CPLANE1: variants seen among roughly 807,000 people sequenced by gnomAD.
CPLANE1 encodes ciliogenesis and planar polarity effector complex subunit 1.
CPLANE1 carries 263 observed loss-of-function variants against 362.5 expected under a neutral mutation model. The ratio of observed to expected loss-of-function variants is 0.73; its 90% CI spans 0.66 to 0.80. The LOEUF (loss-of-function observed/expected upper bound fraction) is 0.80, where lower values mean the gene tolerates loss of function less well. Ranked by LOEUF, CPLANE1 falls within the 30% of genes least tolerant of loss-of-function variation. The pLI, the probability that CPLANE1 is intolerant of heterozygous loss-of-function variation, is 0.00. For synonymous variants in CPLANE1, 1,212 were observed against 1,302.6 expected, an observed-to-expected ratio of 0.93 and a Z score of 1.50; for missense variants, 3,461 against 3,793.4, an observed-to-expected ratio of 0.91 and a Z score of 2.30.
chr5:37,102,250 C>T (rs10058720), downstream of CPLANE1, among the ~76,000 whole-genome samples: 2,457 of 151,974 alleles, frequency 0.016, 72 homozygotes, highest in African/African-American at 0.056. Flanking sequence ...TGTAGTGGTG[C>T]GATCTTGGTT....
chr5:37,102,510 G>A (rs1319340994), downstream of CPLANE1, among the ~76,000 whole-genome samples: 1 of 152,066 alleles, frequency 6.6e-6, no homozygotes, highest in African/African-American at 2.4e-5. Context: ...GTGATGTTAA[G>A]TTGTTGATTT....
chr5:37,209,504 G>A lies in CPLANE1; in HGVS notation c.2921-3079C>T. 4 of 1,276,310 alleles carry A rather than the reference G, an allele frequency of 3.1e-6. No homozygotes were observed. The South Asian group carries it at 4.8e-5, about 15-fold the overall frequency. 79.1% of individuals were successfully genotyped at this position (1,276,310 alleles called of 1,614,324 possible). ...AACTTCGAAACCAGCTAATTCATGA[G>A]TTAATGCACCCTGTATTGAGTGGAG... On this transcript the variant is annotated intron_variant, in intron 16 of 52. Transcript: ENST00000651892. This position sits in a 1 kb window ranked among gnomAD's most constrained non-coding sequence, Gnocchi z 4.6.
chr5:37,190,311 C>T (rs774284953), intron 21 of CPLANE1, among the ~76,000 whole-genome samples: 5 of 151,778 alleles, frequency 3.3e-5, no homozygotes, highest in African/African-American at 4.8e-5. Flanking sequence ...TAGCTCCTGC[C>T]TGTAATCCCA....
chr5:37,168,067 C>T (rs895223588), intron 34 of CPLANE1, among the ~76,000 whole-genome samples: 5 of 152,200 alleles, frequency 3.3e-5, no homozygotes, highest in African/African-American at 1.2e-4. Flanking sequence ...AAGTACACCA[C>T]AGAATGCATT....
In CPLANE1 at chr5:37,162,472, T is replaced by A; in HGVS notation, c.7683A>T (p.Thr2561=). 2 of 1,597,658 alleles carry A rather than the reference T, an allele frequency of 1.3e-6. No individual in the cohort carries two copies. Among genetic ancestry groups the A allele is most frequent in the Non-Finnish European group, 1.7e-6 (2 of 1,166,804 alleles). Residue 2561 remains threonine, a synonymous_variant, in exon 38 of 53, where the codon ACA becomes ACT. Coordinates refer to ENST00000651892, the MANE Select transcript of CPLANE1 (RefSeq NM_001384732.1). ...AAGTAAAACAGCATTTACCTGGGTC[T>A]GTATTTGTACTTGCATCTTGACTTC... The part of the protein sequence containing the change: ...AIGSQDASTN[T]DPEHEPLTAP...
intron 15 of CPLANE1, among the ~76,000 whole-genome samples, chr5:37,217,593 C>A (rs144796690): frequency 1.3e-5 from 2 of 149,442 alleles, no homozygotes; most frequent in African/African-American, 5.0e-5. Context: ...GGCGACAGAG[C>A]GAGACACCAT....
intron 24 of CPLANE1, among the ~76,000 whole-genome samples, chr5:37,185,977 T>C (rs1783864207): frequency 6.6e-6 from 1 of 152,186 alleles, no homozygotes; most frequent in Non-Finnish European, 1.5e-5. Context: ...TGAATACACA[T>C]CATAAAGCAG....
At chr5:37,108,161 A>G in intron 52 of CPLANE1, 132 bp downstream of exon 52, 1 of 840,620 alleles carries the variant, frequency 1.2e-6, no homozygotes, top group Non-Finnish European at 1.9e-6. Flanking sequence ...CACGATTTCA[A>G]ACTGACCTAA....
chr5:37,178,568 G>A (rs1230972206), intron 29 of CPLANE1, among the ~76,000 whole-genome samples: 7 of 147,604 alleles, frequency 4.7e-5, no homozygotes, highest in Admixed American at 1.3e-4. Flanking sequence ...AGCCATGATC[G>A]TGCCACTGCA....
chr5:37,104,865 G>A (rs1757476763), downstream of CPLANE1, among the ~76,000 whole-genome samples: 1 of 152,166 alleles, frequency 6.6e-6, no homozygotes, highest in African/African-American at 2.4e-5. Context: ...GGAGGTTGCA[G>A]TGAGCCAAGA....
At chr5:37,226,246 TA>T in intron 12 of CPLANE1, 57 bp downstream of exon 12, 1 of 1,198,052 alleles carries the variant, frequency 8.3e-7, no homozygotes, top group Non-Finnish European at 1.1e-6. Flanking sequence ...GCTCAGTTTC[TA>T]AAAAAGTAAA....
intron 31 of CPLANE1, 64 bp downstream of exon 31, chr5:37,175,845 C>T (rs1323507900): frequency 3.5e-6 from 4 of 1,149,208 alleles, no homozygotes; most frequent in East Asian, 4.8e-5. Context: ...AGTCGGCATA[C>T]TTTCACTCTG....
At chr5:37,174,887 T>G (rs1780744547) in intron 31 of CPLANE1, among the ~76,000 whole-genome samples, 1 of 152,212 alleles carries the variant, frequency 6.6e-6, no homozygotes, top group African/African-American at 2.4e-5. Flanking sequence ...GTGAAAGCTT[T>G]GAGTGTTGCT....
In CPLANE1 at chr5:37,237,707, G is replaced by A. The variant is rs1011923500; in HGVS notation, c.938+1150C>T. Among the ~76,000 whole-genome samples the A allele has an allele frequency of 7.4e-4, 113 of 152,236 alleles. 2 individuals carry two copies. Among genetic ancestry groups the A allele is most frequent in the Non-Finnish European group, 2.4e-4 (16 of 68,012 alleles). ...TAAAAAAAATACAAAAAAATTATCC[G>A]GGCATGGTGACGGGCGCCTTTAATC... On this transcript the variant is annotated intron_variant, in intron 8 of 52. Coordinates refer to ENST00000651892, the MANE Select transcript of CPLANE1 (RefSeq NM_001384732.1).
Position 37,184,805 on chromosome 5 carries a change from C to T in CPLANE1, c.4464G>A (p.Arg1488=), listed in dbSNP as rs367959416. ...SEALSVEEKS[R]INIYQRNAPN... is the part of the protein sequence containing the mutation. Reference sequence around the variant, plus strand: ...AATTGTACCTTTGATAGATATTTATCCTACTTTTTTCTTCAACCGACAAAG... The same window carrying T: ...AATTGTACCTTTGATAGATATTTATTCTACTTTTTTCTTCAACCGACAAAG... The change falls in exon 25 of 53, where the codon AGG becomes AGA. Residue 1488 remains arginine (R), a synonymous_variant. Coordinates refer to ENST00000651892, the MANE Select transcript of CPLANE1 (RefSeq NM_001384732.1). 16 of 1,611,438 alleles carry T rather than the reference C, an allele frequency of 9.9e-6. No homozygotes were observed. The highest frequency in any genetic ancestry group is 1.4e-5 in the Non-Finnish European group (16 of 1,179,172).
chr5:37,242,200 A>G (rs1419771008), intron 6 of CPLANE1, among the ~76,000 whole-genome samples: 1 of 151,926 alleles, frequency 6.6e-6, no homozygotes, highest in Non-Finnish European at 1.5e-5. Context: ...TAAAAATACA[A>G]AAAGTTAGCC....
At chr5:37,245,297 C>CTATATA (rs57781968) in intron 4 of CPLANE1, among the ~76,000 whole-genome samples, 182 bp downstream of exon 4, 6 of 59,694 alleles carry the variant, frequency 1.0e-4, no homozygotes, top group Non-Finnish European at 1.3e-4. Flanking sequence ...ATAACCAAAA[C>CTATATA]TATATATATA....
At chr5:37,231,115 G>A in intron 8 of CPLANE1, 66 bp from the exon 9 acceptor site, 1 of 1,210,744 alleles carries the variant, frequency 8.3e-7, no homozygotes, top group Non-Finnish European at 1.1e-6. Context: ...GATTTAAAAT[G>A]GGCTGTACCA....
At chr5:37,191,881 A>C (rs1370884599) in intron 21 of CPLANE1, among the ~76,000 whole-genome samples, 1 of 152,218 alleles carries the variant, frequency 6.6e-6, no homozygotes, top group Non-Finnish European at 1.5e-5. Context: ...ACATTACAAT[A>C]ATCTATGGTT....
Sources: allele counts gnomAD v4.1 joint callset (sites outside exome capture counted in the v4.1 genomes callset), GRCh38; gene constraint gnomAD v4.1.1; non-coding constraint Gnocchi (gnomAD v3.1); transcripts MANE v1.5; gene names NCBI Gene and HGNC (gene_info 2026-07-23, HGNC 2026-07-21).